WWTR1: variants seen among roughly 807,000 people sequenced by gnomAD.
WWTR1 encodes WW domain containing transcription regulator 1, also known as WW domain-containing transcription regulator protein 1.
WWTR1 carries 13 observed loss-of-function variants against 40.1 expected under a neutral mutation model. That is an observed-to-expected ratio of 0.32 (90% CI 0.21 to 0.52). The LOEUF (loss-of-function observed/expected upper bound fraction) is 0.52. WWTR1 is among the 20% of genes least tolerant of loss of function. WWTR1 has a pLI of 0.97. For missense variants in WWTR1, 436 were observed against 523.1 expected, an observed-to-expected ratio of 0.83 and a Z score of 1.63; for synonymous variants, 230 against 210.1, an observed-to-expected ratio of 1.09 and a Z score of -0.82.
intron 2 of WWTR1, among the ~76,000 whole-genome samples, chr3:149,625,955 T>A (rs2108096614): frequency 6.6e-6 from 1 of 152,212 alleles, no homozygotes; most frequent in Middle Eastern, 3.4e-3. Flanking sequence ...ACCTACCAAG[T>A]CCCTCCCTTC....
chr3:149,531,577 T>G (rs561511039), intron 4 of WWTR1, among the ~76,000 whole-genome samples: 6 of 152,136 alleles, frequency 3.9e-5, no homozygotes, highest in Admixed American at 3.9e-4. Context: ...CTGCGCCAAC[T>G]GTTCTATCTG....
upstream of WWTR1, among the ~76,000 whole-genome samples, chr3:149,660,532 A>G (rs542560067): frequency 5.9e-5 from 9 of 152,254 alleles, no homozygotes; most frequent in Admixed American, 2.0e-4. Flanking sequence ...AATAATTCAA[A>G]AGATTTGCTG....
intron 2 of WWTR1, among the ~76,000 whole-genome samples, chr3:149,596,054 A>G (rs1011472422): frequency 1.3e-5 from 2 of 152,144 alleles, no homozygotes; most frequent in African/African-American, 4.8e-5. Context: ...AAACAAAAAC[A>G]AAAACAAAAA....
At chr3:149,574,769 G>C (rs1258879119) in intron 2 of WWTR1, among the ~76,000 whole-genome samples, 1 of 149,506 alleles carries the variant, frequency 6.7e-6, no homozygotes, top group Admixed American at 6.7e-5. Context: ...GGGTCTAAAG[G>C]TCTAAGGTTT....
At chr3:149,685,134 G>A (rs77167243) in intron 1 of WWTR1, among the ~76,000 whole-genome samples, 3,220 of 152,118 alleles carry the variant, frequency 0.021, 66 homozygotes, top group South Asian at 0.092. Context: ...TTATAATCCT[G>A]GGAGGAATTG....
intron 5 of WWTR1, among the ~76,000 whole-genome samples, chr3:149,527,560 T>C (rs16861939): frequency 0.069 from 10,469 of 152,252 alleles, 391 homozygotes; most frequent in Non-Finnish European, 0.085. Context: ...GACGACACCA[T>C]CATGTTTAAA....
At chr3:149,704,117 A>G (rs181071835), upstream of WWTR1, among the ~76,000 whole-genome samples, 10 of 152,248 alleles carry the variant, frequency 6.6e-5, no homozygotes, top group African/African-American at 2.4e-4. Flanking sequence ...TGCTGAGATC[A>G]CAGGCATGAG....
intron 1 of WWTR1, among the ~76,000 whole-genome samples, chr3:149,676,300 G>A (rs1375957458): frequency 6.6e-6 from 1 of 152,070 alleles, no homozygotes; most frequent in Non-Finnish European, 1.5e-5. Flanking sequence ...TTCTTTATCA[G>A]CAAAATTTAG....
intron 2 of WWTR1, among the ~76,000 whole-genome samples, chr3:149,642,923 A>G (rs1277933613): frequency 6.6e-6 from 1 of 152,242 alleles, no homozygotes; most frequent in African/African-American, 2.4e-5. Flanking sequence ...TTTTATGAGC[A>G]GCACTCAAGT....
intron 3 of WWTR1, 45 bp downstream of exon 3, chr3:149,572,819 A>C (rs769716990): frequency 3.9e-6 from 4 of 1,024,142 alleles, no homozygotes; most frequent in African/African-American, 2.1e-5. Context: ...CCAACTCTAC[A>C]AAAAAAAAAT....
At chr3:149,616,481 T>C (rs1260468516) in intron 2 of WWTR1, among the ~76,000 whole-genome samples, 1 of 151,968 alleles carries the variant, frequency 6.6e-6, no homozygotes, top group Non-Finnish European at 1.5e-5. Context: ...TCACTCTTGT[T>C]GCCCAGGCTG....
intron 2 of WWTR1, among the ~76,000 whole-genome samples, chr3:149,617,724 C>T (rs986348015): frequency 5.9e-5 from 9 of 152,112 alleles, no homozygotes; most frequent in Non-Finnish European, 1.3e-4. Flanking sequence ...CACTTGAACC[C>T]GGGAGGTGGA....
In WWTR1 at chr3:149,689,574, T is replaced by C. The variant is rs114699379; in HGVS notation, c.-108+13550A>G. Reference sequence around the variant, plus strand: ...GGGAACCTTGCAGGCCGGGAAACAATGGCATGACATATTTAAAGTACTGAA... The same window carrying C: ...GGGAACCTTGCAGGCCGGGAAACAACGGCATGACATATTTAAAGTACTGAA... On this transcript the variant is annotated intron_variant, in intron 1 of 7. Coordinates refer to the WWTR1 transcript ENST00000465804. 4.5e-3 allele frequency among the ~76,000 whole-genome samples: 682 copies of C among 151,878 alleles called. 4 individuals are homozygous for C. Among genetic ancestry groups the C allele is most frequent in the African/African-American group, 0.015 (641 of 41,430 alleles).
chr3:149,584,414 T>C (rs748883843), intron 2 of WWTR1, among the ~76,000 whole-genome samples: 15 of 152,226 alleles, frequency 9.9e-5, no homozygotes, highest in Non-Finnish European at 2.1e-4. Flanking sequence ...CCACTTTCTT[T>C]TTGCACATGT....
chr3:149,643,447 A>T (rs997267643), intron 2 of WWTR1, among the ~76,000 whole-genome samples: 6 of 152,200 alleles, frequency 3.9e-5, no homozygotes, highest in African/African-American at 7.2e-5. Flanking sequence ...GCAAGTAATG[A>T]TCATATCAAT....
intron 5 of WWTR1, among the ~76,000 whole-genome samples, chr3:149,710,252 T>C (rs1715441171): frequency 6.6e-6 from 1 of 152,154 alleles, no homozygotes; most frequent in African/African-American, 2.4e-5. Flanking sequence ...ATAAGCATTG[T>C]ATCGTTTTGG....
intron 4 of WWTR1, among the ~76,000 whole-genome samples, chr3:149,534,709 C>A (rs1348005774): frequency 6.6e-6 from 1 of 152,170 alleles, no homozygotes; most frequent in Non-Finnish European, 1.5e-5. Context: ...TTATTTTTGT[C>A]TATGTCCAAG....
At chr3:149,560,857 A>G (rs560519865) in intron 3 of WWTR1, among the ~76,000 whole-genome samples, 2 of 152,194 alleles carry the variant, frequency 1.3e-5, no homozygotes, top group Non-Finnish European at 2.9e-5. Flanking sequence ...AAACATATGG[A>G]TATACAAGCT....
chr3:149,559,470 T>A (rs1348673115), intron 3 of WWTR1, among the ~76,000 whole-genome samples: 1 of 152,124 alleles, frequency 6.6e-6, no homozygotes, highest in African/African-American at 2.4e-5. Flanking sequence ...GATGCAACCG[T>A]GGCTATGTTT....
Sources: gnomAD v4.1 joint callset for allele counts (sites outside exome capture counted in the v4.1 genomes callset) on GRCh38, gnomAD v4.1.1 for gene constraint, MANE v1.5 for transcripts, NCBI Gene and HGNC (gene_info 2026-07-23, HGNC 2026-07-21) for gene names.